Variants in DIAPH2 observed in about 807,000 individuals in gnomAD.
The protein encoded by DIAPH2 is protein diaphanous homolog 2.
In DIAPH2, 35 loss-of-function variants were observed where a neutral mutation model predicts 92.7. The observed-to-expected ratio is 0.38, with a 90% CI of 0.29 to 0.50. The LOEUF is 0.50. Among genes scored for constraint, DIAPH2 ranks in the 20% least tolerant of loss-of-function variants. DIAPH2 has a pLI of 0.94. For synonymous variants in DIAPH2, 301 were observed against 280.4 expected, an observed-to-expected ratio of 1.07 and a Z score of -0.73; for missense variants, 701 against 819.5, an observed-to-expected ratio of 0.86 and a Z score of 1.77.
chrX:97,009,835 C>T (rs2066211579), intron 17 of DIAPH2, among the ~76,000 whole-genome samples: 1 of 111,802 alleles, frequency 8.9e-6, no homozygotes, highest in South Asian at 3.8e-4. Context: ...TTACTCTTCC[C>T]TTTCCTCTCC....
rs1055527580 is a variant in DIAPH2 at position 96,849,925 on chromosome X, C to A, written c.448-31654C>A. 4.7e-5 allele frequency among the ~76,000 whole-genome samples: 5 copies of A among 105,810 alleles called. No individual in the cohort carries two copies. In the East Asian group the frequency reaches 1.2e-3, roughly 25 times the overall value. 91.9% of individuals were successfully genotyped at this position (105,810 alleles called of 115,157 possible). ...ATGCCTCTGAAAATGCATAATAGTTCCTTAAGAAAGCATGGTAGGATAATC... is the reference window on the plus strand; with the variant it reads ...ATGCCTCTGAAAATGCATAATAGTTACTTAAGAAAGCATGGTAGGATAATC... On this transcript the variant is annotated intron_variant, in intron 4 of 26. Transcript: ENST00000324765.
At chrX:97,160,661 G>T (rs1288300541) in intron 22 of DIAPH2, among the ~76,000 whole-genome samples, 1 of 111,385 alleles carries the variant, frequency 9.0e-6, no homozygotes, top group Non-Finnish European at 1.9e-5. Context: ...AGTTACTTTG[G>T]AATAAAAATC....
At position 97,201,142 on chromosome X, in the gene DIAPH2, A is replaced by C. The variant is rs868375762; in HGVS notation, c.2720-46573A>C. On this transcript the variant is annotated intron_variant, in intron 22 of 26. Transcript: ENST00000324765. ...CATCAACAAGAAAGACCCCCCCCCC[A>C]AAAAAAACCCCATCCAAAGGTCATC... Among the ~76,000 whole-genome samples, 112 of 65,084 alleles carry C rather than the reference A, an allele frequency of 1.7e-3. 1 individual carries two copies. The highest frequency in any genetic ancestry group is 6.2e-3 in the African/African-American group (99 of 15,972). 56.5% of individuals were successfully genotyped at this position (65,084 alleles called of 115,157 possible).
intron 26 of DIAPH2, among the ~76,000 whole-genome samples, chrX:97,539,767 C>T (rs1426459161): frequency 2.7e-5 from 3 of 111,421 alleles, no homozygotes; most frequent in African/African-American, 9.8e-5. Context: ...ATGTAATTTT[C>T]TTTATTTTCT....
Position 97,602,929 on chromosome X carries a change from A to G in DIAPH2, c.*3612A>G, listed in dbSNP as rs543978246. ...TTCTCAAAAATCTTGTGGGTCTTCT[A>G]CGTATGTCACATTGATTCACACATT... On this transcript the variant is annotated 3_prime_UTR_variant, in exon 27 of 27. Coordinates refer to ENST00000324765, the MANE Select transcript of DIAPH2 (RefSeq NM_006729.5). 1.4e-4 allele frequency: 15 copies of G among 110,863 alleles called. No individual in the cohort carries two copies. The highest frequency in any genetic ancestry group is 1.2e-3 in the South Asian group (3 of 2,595). The allele number at this position is 110,863 out of a possible 1,213,427, so 9.1% of individuals were successfully genotyped here.
intron 23 of DIAPH2, among the ~76,000 whole-genome samples, chrX:97,336,716 A>G (rs977456479): frequency 8.9e-6 from 1 of 112,062 alleles, no homozygotes; most frequent in Non-Finnish European, 1.9e-5. Context: ...GCATTTAATC[A>G]AAATGTTTGA....
At chrX:97,086,419 C>A (rs1181791614) in intron 19 of DIAPH2, among the ~76,000 whole-genome samples, 1 of 111,185 alleles carries the variant, frequency 9.0e-6, no homozygotes, top group East Asian at 2.8e-4. Context: ...AGATATTGAT[C>A]AAAGAATATG....
chrX:97,291,199 C>T (rs1462825298), intron 23 of DIAPH2, among the ~76,000 whole-genome samples: 1 of 110,737 alleles, frequency 9.0e-6, no homozygotes, highest in Non-Finnish European at 1.9e-5. Context: ...CCAGCCTGGC[C>T]AACATGGTGA....
chrX:96,956,054 A>G (rs917248716), intron 15 of DIAPH2, among the ~76,000 whole-genome samples: 2 of 112,498 alleles, frequency 1.8e-5, no homozygotes, highest in Admixed American at 1.9e-4. Context: ...GAGATTCTCC[A>G]TAAGGGCTCC....
chrX:96,855,296 A>G (rs2065032560), intron 4 of DIAPH2, among the ~76,000 whole-genome samples: 1 of 110,779 alleles, frequency 9.0e-6, no homozygotes, highest in South Asian at 3.8e-4. Context: ...GAGCCGAGGG[A>G]CTATCTTCAG....
chrX:97,558,449 A>T (rs2071271746), intron 26 of DIAPH2, among the ~76,000 whole-genome samples: 1 of 111,878 alleles, frequency 8.9e-6, no homozygotes, highest in Non-Finnish European at 1.9e-5. Flanking sequence ...GCAAAAAATT[A>T]AGTCCGTGTG....
At chrX:96,971,226 G>C (rs2065925760) in intron 17 of DIAPH2, among the ~76,000 whole-genome samples, 2 of 111,929 alleles carry the variant, frequency 1.8e-5, no homozygotes, top group African/African-American at 6.5e-5. Context: ...TGGTATAGTA[G>C]GAAAAGCCAG....
chrX:96,952,986 G>T lies in DIAPH2; in HGVS notation c.1614+3947G>T, dbSNP rs1307548894. The stretch of plus-strand genomic sequence containing the variant: ...AAAAAAAAATTAGCCTGGGGTAGTG[G>T]TGCATGCCTGTAGTCCCAGTTAGTC... On this transcript the variant is annotated intron_variant, in intron 15 of 26. Coordinates refer to ENST00000324765, the MANE Select transcript of DIAPH2 (RefSeq NM_006729.5). Among the ~76,000 whole-genome samples the T allele has an allele frequency of 6.5e-5, 7 of 108,511 alleles. No homozygotes were observed. In the East Asian group the frequency reaches 2.0e-3, roughly 31 times the overall value. 94.2% of individuals were successfully genotyped at this position (108,511 alleles called of 115,157 possible). A position where few individuals can be genotyped will look rare whatever the true frequency, so the allele number is the denominator to read the frequency against.
At chrX:96,727,353 A>T (rs1336275947) in intron 1 of DIAPH2, among the ~76,000 whole-genome samples, 1 of 112,439 alleles carries the variant, frequency 8.9e-6, no homozygotes, top group Non-Finnish European at 1.9e-5. Flanking sequence ...GAAAATCATA[A>T]GAACGCCTAG....
At position 97,468,490 on chromosome X, in the gene DIAPH2, T is replaced by A. The variant is rs923930661; in HGVS notation, c.3241+38745T>A. Among the ~76,000 whole-genome samples, 4 of 111,461 alleles carry A rather than the reference T, an allele frequency of 3.6e-5. No homozygotes were observed. The East Asian group carries it at 8.4e-4, about 23-fold the overall frequency. Reference sequence around the variant, plus strand: ...ACCGCCCCATTTCCCATTCTTGGCTTTAACAAAATTTGACAAAATTATTTC... The same window carrying A: ...ACCGCCCCATTTCCCATTCTTGGCTATAACAAAATTTGACAAAATTATTTC... On this transcript the variant is annotated intron_variant, in intron 26 of 26. Coordinates refer to ENST00000324765, the MANE Select transcript of DIAPH2 (RefSeq NM_006729.5).
intron 21 of DIAPH2, among the ~76,000 whole-genome samples, chrX:97,130,871 G>A (rs2067133051): frequency 9.0e-6 from 1 of 110,983 alleles, no homozygotes; most frequent in African/African-American, 3.3e-5. Flanking sequence ...TTGAGAGGCC[G>A]AGGTGGGCGA....
intron 4 of DIAPH2, among the ~76,000 whole-genome samples, chrX:96,819,514 G>T (rs1417064330): frequency 8.9e-6 from 1 of 111,941 alleles, no homozygotes; most frequent in Non-Finnish European, 1.9e-5. Context: ...ATTCTTGGCT[G>T]TCCATTTTTG....
chrX:97,457,886 T>C lies in DIAPH2; in HGVS notation c.3241+28141T>C, dbSNP rs1244866061. Among the ~76,000 whole-genome samples, 5 of 111,703 alleles carry C rather than the reference T, an allele frequency of 4.5e-5. No individual in the cohort carries two copies. The East Asian group carries it at 8.4e-4, about 19-fold the overall frequency. The stretch of plus-strand genomic sequence containing the variant: ...GAACGAGCCCTTATCAGATACCAAA[T>C]TTACTGGTGCCTTGATATTAGACGT... On this transcript the variant is annotated intron_variant, in intron 26 of 26. Transcript: ENST00000324765.
chrX:97,403,878 CTT>C (rs1832768234), intron 25 of DIAPH2, among the ~76,000 whole-genome samples: 1 of 103,099 alleles, frequency 9.7e-6, no homozygotes, highest in Admixed American at 1.1e-4. Context: ...TTGAGACAGA[CTT>C]TTGCTCTTAT....
Sources: gnomAD v4.1 joint callset for allele counts (sites outside exome capture counted in the v4.1 genomes callset) on GRCh38, gnomAD v4.1.1 for gene constraint, MANE v1.5 for transcripts, NCBI Gene and HGNC (gene_info 2026-07-23, HGNC 2026-07-21) for gene names.